Variants in NXPE2 observed in about 807,000 individuals in gnomAD.
NXPE2 encodes NXPE family member 2.
In NXPE2, 34 loss-of-function variants were observed where a neutral mutation model predicts 34.4. The ratio of observed to expected loss-of-function variants is 0.99; its 90% CI spans 0.75 to 1.31. NXPE2 has a LOEUF of 1.31. Among genes scored for constraint, NXPE2 ranks in the 40% most tolerant of loss-of-function variants. The pLI, the probability that NXPE2 is intolerant of heterozygous loss-of-function variation, is 0.00. For missense variants in NXPE2, 649 were observed against 672.5 expected (o/e 0.97, Z 0.39); for synonymous variants, 235 against 231.3 (o/e 1.02, Z -0.15).
the NXPE2 span, among the ~76,000 whole-genome samples, chr11:114,810,941 A>G: frequency 6.6e-6 from 1 of 152,128 alleles, no homozygotes; most frequent in African/African-American, 2.4e-5. Flanking sequence ...ACTGACCTAA[A>G]TGTCCAACGA....
chr11:114,588,476 AG>A, the NXPE2 span, among the ~76,000 whole-genome samples: 1 of 152,202 alleles, frequency 6.6e-6, no homozygotes, highest in Non-Finnish European at 1.5e-5. Flanking sequence ...GCTGAAAAAC[AG>A]GCAGCTCTGC....
chr11:114,513,386 G>C, the NXPE2 span: 2 of 376,386 alleles, frequency 5.3e-6, no homozygotes, highest in South Asian at 2.9e-5. Context: ...ACACAGTGGT[G>C]CTTCATGGTA....
At chr11:114,548,070 A>T in the NXPE2 span, among the ~76,000 whole-genome samples, 2 of 152,188 alleles carry the variant, frequency 1.3e-5, no homozygotes, top group Admixed American at 1.3e-4. Flanking sequence ...ATAAGGTAAC[A>T]TTCATAACCA....
chr11:114,502,740 GC>G, the NXPE2 span, among the ~76,000 whole-genome samples: 1 of 151,994 alleles, frequency 6.6e-6, no homozygotes, highest in Non-Finnish European at 1.5e-5. Context: ...TTTGCTTATG[GC>G]AGATGGTTTT....
chr11:114,752,384 T>C, the NXPE2 span, among the ~76,000 whole-genome samples: 25 of 152,170 alleles, frequency 1.6e-4, no homozygotes, highest in Non-Finnish European at 5.9e-5. Context: ...ATGGAAGCCA[T>C]TGGAGGATTT....
the NXPE2 span, chr11:114,584,228 C>T: frequency 2.4e-6 from 1 of 420,414 alleles, no homozygotes; most frequent in African/African-American, 2.1e-5. Context: ...ATGGAGATCC[C>T]TAATGAGCCT....
chr11:114,581,947 G>C, the NXPE2 span, among the ~76,000 whole-genome samples: 1 of 152,158 alleles, frequency 6.6e-6, no homozygotes, highest in African/African-American at 2.4e-5. Flanking sequence ...TTGCCTATTA[G>C]GCTATGGGAT....
chr11:114,792,082 T>C, the NXPE2 span, among the ~76,000 whole-genome samples: 1 of 152,108 alleles, frequency 6.6e-6, no homozygotes, highest in Middle Eastern at 3.4e-3. Flanking sequence ...AAGAAATAAC[T>C]AAGATACGTG....
chr11:114,691,476 T>C (rs1211661693), intron 2 of NXPE2, among the ~76,000 whole-genome samples: 1 of 152,162 alleles, frequency 6.6e-6, no homozygotes, highest in African/African-American at 2.4e-5. Context: ...TTAAGAGTAA[T>C]AGCTGGCAGC....
At chr11:114,584,597 AAG>A in the NXPE2 span, 1 of 159,440 alleles carries the variant, frequency 6.3e-6, no homozygotes, top group African/African-American at 2.4e-5. Context: ...CAGGATGAAA[AAG>A]AGAGACTCAG....
the NXPE2 span, among the ~76,000 whole-genome samples, chr11:114,791,176 C>T: frequency 2.0e-5 from 3 of 150,114 alleles, no homozygotes; most frequent in Admixed American, 2.0e-4. Context: ...AGAATGATTC[C>T]GTTTGAAAAA....
chr11:114,602,390 A>G, the NXPE2 span, among the ~76,000 whole-genome samples: 2 of 128,790 alleles, frequency 1.6e-5, no homozygotes, highest in African/African-American at 5.7e-5. Context: ...ATTATGCTAT[A>G]TATTATATAT....
At chr11:114,579,495 C>T in the NXPE2 span, among the ~76,000 whole-genome samples, 4 of 152,250 alleles carry the variant, frequency 2.6e-5, no homozygotes, top group African/African-American at 9.6e-5. Context: ...TCTGTTAGAC[C>T]CCAAGCCCAT....
chr11:114,635,802 C>T, the NXPE2 span, among the ~76,000 whole-genome samples: 6 of 152,084 alleles, frequency 3.9e-5, no homozygotes, highest in Non-Finnish European at 7.4e-5. Context: ...GGCTTGCATC[C>T]CAGGGATGAA....
At chr11:114,780,009 T>C in the NXPE2 span, among the ~76,000 whole-genome samples, 9 of 152,174 alleles carry the variant, frequency 5.9e-5, no homozygotes, top group Non-Finnish European at 1.3e-4. Context: ...CCTGTAGATA[T>C]CGACAGCCAG....
the NXPE2 span, among the ~76,000 whole-genome samples, chr11:114,533,399 G>T: frequency 6.6e-6 from 1 of 152,202 alleles, no homozygotes; most frequent in Non-Finnish European, 1.5e-5. Flanking sequence ...TCCAACTGAG[G>T]TACTTGGTTC....
the NXPE2 span, among the ~76,000 whole-genome samples, chr11:114,597,402 G>A: frequency 2.0e-5 from 3 of 152,160 alleles, no homozygotes; most frequent in South Asian, 6.2e-4. Flanking sequence ...AATATTTTCG[G>A]AGAAAGAAAC....
At chr11:114,490,387 T>A in the NXPE2 span, among the ~76,000 whole-genome samples, 3 of 152,172 alleles carry the variant, frequency 2.0e-5, no homozygotes, top group Non-Finnish European at 4.4e-5. Context: ...AGAGCTCACA[T>A]TGTCAAGTCA....
the NXPE2 span, among the ~76,000 whole-genome samples, chr11:114,582,073 ATAT>A: frequency 6.6e-6 from 1 of 152,154 alleles, no homozygotes; most frequent in African/African-American, 2.4e-5. Context: ...TATTCTGTAT[ATAT>A]TTTTTTCCCA....
Sources: allele counts gnomAD v4.1 joint callset (sites outside exome capture counted in the v4.1 genomes callset), GRCh38; gene constraint gnomAD v4.1.1; transcripts MANE v1.5; gene names NCBI Gene and HGNC (gene_info 2026-07-23, HGNC 2026-07-21).